TEAD4: variants seen among roughly 807,000 people sequenced by gnomAD.
The protein encoded by TEAD4 is transcriptional enhancer factor TEF-3.
A neutral mutation model predicts 52.4 loss-of-function variants in TEAD4; 36 were observed. The ratio of observed to expected loss-of-function variants is 0.69; its 90% confidence interval spans 0.53 to 0.91. The LOEUF is 0.91. Among genes scored for constraint, TEAD4 ranks in the 40% least tolerant of loss-of-function variants. The pLI is 0.00. For synonymous variants in TEAD4, 220 were observed against 231.0 expected (o/e 0.95, Z 0.43); for missense variants, 508 against 583.9 (o/e 0.87, Z 1.34).
chr12:2,997,862 T>C (rs1472764031), intron 3 of TEAD4, among the ~76,000 whole-genome samples: 1 of 152,054 alleles, frequency 6.6e-6, no homozygotes, highest in African/African-American at 2.4e-5. Context: ...TTAATCATTA[T>C]AGTTTTTCAG....
At chr12:3,025,262 C>T (rs369541521) in intron 10 of TEAD4, among the ~76,000 whole-genome samples, 2 of 152,166 alleles carry the variant, frequency 1.3e-5, no homozygotes, top group African/African-American at 4.8e-5. Context: ...ATTCTCTAGG[C>T]TTGCCCTACA....
intron 3 of TEAD4, among the ~76,000 whole-genome samples, chr12:3,009,807 C>G (rs2098258822): frequency 1.3e-5 from 2 of 152,250 alleles, no homozygotes; most frequent in Admixed American, 1.3e-4. Context: ...AGGCAGTGGT[C>G]CCAGGCCAGC....
chr12:3,030,367 G>A (rs1183850855), intron 10 of TEAD4, among the ~76,000 whole-genome samples: 1 of 152,192 alleles, frequency 6.6e-6, no homozygotes, highest in Non-Finnish European at 1.5e-5. Context: ...ATGCATGGGA[G>A]GGGTGGGCCT....
chr12:3,025,162 T>C (rs2098271309), intron 10 of TEAD4, among the ~76,000 whole-genome samples: 1 of 152,208 alleles, frequency 6.6e-6, no homozygotes, highest in Non-Finnish European at 1.5e-5. Context: ...CAGCCTGGTC[T>C]TGAACTCCTG....
chr12:3,015,421 C>T (rs2098263722), intron 5 of TEAD4, among the ~76,000 whole-genome samples: 1 of 152,236 alleles, frequency 6.6e-6, no homozygotes, highest in South Asian at 2.1e-4. Flanking sequence ...CTTCCGTGGG[C>T]TGCCTCATGC....
At position 3,032,666 on chromosome 12, in the gene TEAD4, G is replaced by C. The variant is rs535369702; in HGVS notation, c.898-5302G>C. On this transcript the variant is annotated intron_variant, in intron 10 of 12. Transcript: ENST00000359864. ...TGTATGTGGCCGGCTGGTACTGAGT[G>C]GGGGGCTGTGGCCTGCCCTTGCCCC... Among the ~76,000 whole-genome samples, 8 of 152,294 alleles carry C rather than the reference G, an allele frequency of 5.3e-5. No individual in the cohort carries two copies. In the South Asian group the frequency reaches 1.5e-3, roughly 28 times the overall value.
At chr12:2,987,578 G>A (rs1333709668) in intron 2 of TEAD4, among the ~76,000 whole-genome samples, 1 of 151,684 alleles carries the variant, frequency 6.6e-6, no homozygotes, top group Non-Finnish European at 1.5e-5. Flanking sequence ...GGGACTACAG[G>A]TGCCCGCCAC....
intron 2 of TEAD4, among the ~76,000 whole-genome samples, chr12:2,984,489 GATATTA>G (rs1172303161): frequency 1.3e-5 from 2 of 152,102 alleles, no homozygotes; most frequent in African/African-American, 4.8e-5. Context: ...AGATGTGGGA[GATATTA>G]ATAAGAGGGA....
At chr12:3,020,919 T>C (rs1200010561) in intron 9 of TEAD4, 146 bp downstream of exon 9, 2 of 809,078 alleles carry the variant, frequency 2.5e-6, no homozygotes, top group Non-Finnish European at 3.5e-6. Flanking sequence ...TTCCCCCCAC[T>C]CCTCCTTTCC....
intron 3 of TEAD4, among the ~76,000 whole-genome samples, chr12:3,003,201 C>T (rs1286068747): frequency 6.6e-6 from 1 of 151,932 alleles, no homozygotes; most frequent in Non-Finnish European, 1.5e-5. Context: ...CACACTTCCA[C>T]CCACTCTTGG....
chr12:3,012,249 G>T lies in TEAD4; in HGVS notation c.354+17G>T, dbSNP rs768460813. The T allele has an allele frequency of 6.2e-7, 1 of 1,613,510 alleles. No homozygotes were observed. Among genetic ancestry groups the T allele is most frequent in the South Asian group, 1.1e-5 (1 of 90,998 alleles). On this transcript the variant is annotated intron_variant, in intron 5 of 12. Coordinates refer to ENST00000359864, the MANE Select transcript of TEAD4 (RefSeq NM_003213.4). ...AAGCTAAAGGTAAGGAAACTGCAGT[G>T]GGGGTGCTGGAGTGGCCAGGAGTGG...
chr12:2,969,717 A>C (rs986915089), intron 2 of TEAD4, among the ~76,000 whole-genome samples: 1 of 152,216 alleles, frequency 6.6e-6, no homozygotes, highest in Non-Finnish European at 1.5e-5. Context: ...AGTCAGAGGA[A>C]GCAGAATGGG....
Position 3,019,131 on chromosome 12 carries a change from C to T in TEAD4, c.544C>T (p.Gln182Ter). 1 of 1,614,082 alleles carries T rather than the reference C, an allele frequency of 6.2e-7. No individual in the cohort carries two copies. Among genetic ancestry groups the T allele is most frequent in the Non-Finnish European group, 8.5e-7 (1 of 1,179,990 alleles). The stretch of plus-strand genomic sequence containing the variant: ...CTCCCGCAGTGTGAAGCCTTTCTCT[C>T]AGCAAACCTATGCTGTCCAGCCTCC... The change falls in exon 8 of 13, where the codon CAG (glutamine) becomes TAG (stop). Residue 182 changes from glutamine (Q) to a stop codon, truncating the protein, a stop_gained. Transcript: ENST00000359864. LOFTEE classifies it high-confidence loss of function.
At chr12:2,972,651 C>T (rs1443638356) in intron 2 of TEAD4, among the ~76,000 whole-genome samples, 2 of 151,996 alleles carry the variant, frequency 1.3e-5, no homozygotes, top group Non-Finnish European at 2.9e-5. Context: ...AGGCATGCGC[C>T]ACCATACTCC....
At chr12:2,999,136 G>A (rs1038063006) in intron 3 of TEAD4, among the ~76,000 whole-genome samples, 6 of 152,120 alleles carry the variant, frequency 3.9e-5, no homozygotes, top group Non-Finnish European at 8.8e-5. Context: ...ATGGGAGGCC[G>A]AGCTGAGAGC....
chr12:2,986,130 C>T (rs889312201), intron 2 of TEAD4, among the ~76,000 whole-genome samples: 3 of 151,918 alleles, frequency 2.0e-5, no homozygotes, highest in Non-Finnish European at 4.4e-5. Flanking sequence ...CAGAGACAAA[C>T]GCACACATTA....
At chr12:3,035,054 T>C (rs1211636201) in intron 10 of TEAD4, among the ~76,000 whole-genome samples, 7 of 151,954 alleles carry the variant, frequency 4.6e-5, no homozygotes, top group Non-Finnish European at 1.5e-5. Flanking sequence ...TGAGCTGAGA[T>C]TGCACCACCA....
chr12:2,973,443 GA>G (rs879265322), intron 2 of TEAD4, among the ~76,000 whole-genome samples: 27 of 152,330 alleles, frequency 1.8e-4, no homozygotes, highest in South Asian at 1.2e-3. Context: ...ATGTTTGGAG[GA>G]AATTAGTTTA....
In TEAD4 at chr12:3,021,836, C is replaced by T. The variant is rs750591247; in HGVS notation, c.724-8C>T. On this transcript the variant is annotated splice_region_variant and splice_polypyrimidine_tract_variant and intron_variant, in intron 9 of 12. Transcript: ENST00000359864. The stretch of plus-strand genomic sequence containing the variant: ...GCTCCGTCTCCCTCAGACCCACTCT[C>T]TCCACAGTACAACAAGCACCTGTTC... 4.3e-6 allele frequency: 7 copies of T among 1,613,684 alleles called. 1 individual carries two copies. In the South Asian group the frequency reaches 4.4e-5, roughly 10 times the overall value.
Sources: gnomAD v4.1 joint callset for allele counts (sites outside exome capture counted in the v4.1 genomes callset) on GRCh38, gnomAD v4.1.1 for gene constraint, MANE v1.5 for transcripts, NCBI Gene and HGNC (gene_info 2026-07-23, HGNC 2026-07-21) for gene names.